The following ARB2A variants were observed in gnomAD, a reference collection of about 807,000 sequenced individuals.
The protein encoded by ARB2A is ARB2 cotranscriptional regulator A.
At chr5:93,925,229 C>A in the ARB2A span, among the ~76,000 whole-genome samples, 24 of 152,178 alleles carry the variant, frequency 1.6e-4, no homozygotes, top group African/African-American at 5.5e-4. Flanking sequence ...ATTAAGAAAA[C>A]CCTACATGAC....
chr5:93,709,004 T>C, the ARB2A span, among the ~76,000 whole-genome samples: 1 of 152,062 alleles, frequency 6.6e-6, no homozygotes, highest in Non-Finnish European at 1.5e-5. Flanking sequence ...GCTAAGAAAG[T>C]AGATGGTAAG....
At chr5:94,014,054 A>G in the ARB2A span, among the ~76,000 whole-genome samples, 1 of 152,214 alleles carries the variant, frequency 6.6e-6, no homozygotes, top group Non-Finnish European at 1.5e-5. Context: ...AACCCATAAG[A>G]AGCATCATGA....
the ARB2A span, among the ~76,000 whole-genome samples, chr5:93,759,462 C>G: frequency 6.6e-6 from 1 of 152,068 alleles, no homozygotes; most frequent in South Asian, 2.1e-4. Flanking sequence ...AACTACAGAC[C>G]AATATTCTTG....
chr5:93,983,200 T>C, the ARB2A span, among the ~76,000 whole-genome samples: 1 of 149,896 alleles, frequency 6.7e-6, no homozygotes, highest in Non-Finnish European at 1.5e-5. Context: ...TGTGTGTGTG[T>C]GTGTGTGTGT....
the ARB2A span, among the ~76,000 whole-genome samples, chr5:93,904,735 G>T: frequency 6.6e-6 from 1 of 151,622 alleles, no homozygotes; most frequent in Non-Finnish European, 1.5e-5. Context: ...TGGGAGACCT[G>T]AAGTTGCAAA....
the ARB2A span, among the ~76,000 whole-genome samples, chr5:93,893,450 C>A: frequency 6.6e-6 from 1 of 152,108 alleles, no homozygotes; most frequent in Non-Finnish European, 1.5e-5. Context: ...AGTCTTTTGA[C>A]AGAAAATACG....
chr5:93,619,801 T>C, the ARB2A span: 1 of 152,200 alleles, frequency 6.6e-6, no homozygotes, highest in African/African-American at 2.4e-5. Context: ...GGCTAAACCC[T>C]ACAGAGGAAG....
the ARB2A span, among the ~76,000 whole-genome samples, chr5:94,087,813 T>C: frequency 2.0e-5 from 3 of 152,226 alleles, no homozygotes; most frequent in East Asian, 1.9e-4. Context: ...CCATTGCCTA[T>C]GGTATTCAGC....
the ARB2A span, among the ~76,000 whole-genome samples, chr5:94,086,343 T>C: frequency 4.5e-4 from 68 of 152,320 alleles, no homozygotes; most frequent in African/African-American, 1.5e-3. Context: ...AGTGGCCCCA[T>C]AGGATTATAA....
the ARB2A span, among the ~76,000 whole-genome samples, chr5:93,665,575 C>T: frequency 1.3e-5 from 2 of 152,112 alleles, no homozygotes; most frequent in Admixed American, 1.3e-4. Flanking sequence ...ATCAAGAAAA[C>T]CCAAACCAAT....
the ARB2A span, among the ~76,000 whole-genome samples, chr5:93,800,379 T>C: frequency 3.4e-5 from 4 of 117,264 alleles, no homozygotes; most frequent in East Asian, 1.1e-3. Flanking sequence ...AACTGCATAT[T>C]TTCACACACA....
At chr5:94,026,643 G>A in the ARB2A span, among the ~76,000 whole-genome samples, 1 of 152,306 alleles carries the variant, frequency 6.6e-6, no homozygotes, top group Non-Finnish European at 1.5e-5. Context: ...ATGTAAAATA[G>A]GTGAAGGGTG....
chr5:93,773,305 GTACTGGATGGGAGCACTA>G, the ARB2A span, among the ~76,000 whole-genome samples: 1 of 152,224 alleles, frequency 6.6e-6, no homozygotes, highest in Non-Finnish European at 1.5e-5. Flanking sequence ...GGACATGGAT[GTACTGGATGGGAGCACTA>G]TACTGGATGG....
chr5:93,628,983 G>A, the ARB2A span, among the ~76,000 whole-genome samples: 1 of 152,168 alleles, frequency 6.6e-6, no homozygotes, highest in South Asian at 2.1e-4. Flanking sequence ...TTTTGCAAGA[G>A]GCCTAGCTTT....
the ARB2A span, among the ~76,000 whole-genome samples, chr5:93,778,733 C>A: frequency 6.6e-6 from 1 of 152,130 alleles, no homozygotes; most frequent in Non-Finnish European, 1.5e-5. Context: ...ACCTACACTT[C>A]ACATATGTAA....
At chr5:93,634,422 A>G in the ARB2A span, among the ~76,000 whole-genome samples, 2 of 151,904 alleles carry the variant, frequency 1.3e-5, no homozygotes, top group Admixed American at 1.3e-4. Context: ...ACAAAAAACA[A>G]AAAACAAAAA....
At chr5:93,666,674 T>G in the ARB2A span, among the ~76,000 whole-genome samples, 1 of 152,164 alleles carries the variant, frequency 6.6e-6, no homozygotes, top group African/African-American at 2.4e-5. Context: ...TAAAATTAAT[T>G]TGTATTCCCC....
the ARB2A span, among the ~76,000 whole-genome samples, chr5:93,730,930 A>AT: frequency 1.3e-5 from 2 of 152,280 alleles, no homozygotes; most frequent in South Asian, 2.1e-4. Context: ...AAGAAATTTT[A>AT]TTTTTTGTAA....
At chr5:93,947,549 G>C in the ARB2A span, among the ~76,000 whole-genome samples, 1 of 150,290 alleles carries the variant, frequency 6.7e-6, no homozygotes, top group Admixed American at 6.6e-5. Context: ...AAGTTTTAGG[G>C]TACATGTGCA....
Sources: allele counts gnomAD v4.1 joint callset (sites outside exome capture counted in the v4.1 genomes callset), GRCh38; gene constraint gnomAD v4.1.1; transcripts MANE v1.5; gene names NCBI Gene and HGNC (gene_info 2026-07-23, HGNC 2026-07-21).